TAS2R1: variants seen among roughly 807,000 people sequenced by gnomAD.
TAS2R1 encodes taste receptor type 2 member 1.
For synonymous variants in TAS2R1, 141 were observed against 134.2 expected (o/e 1.05, Z -0.35); for missense variants, 370 against 353.4 (o/e 1.05, Z -0.38).
chr5:9,633,143 A>C (rs1012500863), upstream of TAS2R1, among the ~76,000 whole-genome samples: 8 of 151,420 alleles, frequency 5.3e-5, no homozygotes, highest in African/African-American at 1.9e-4. Context: ...TTTCCATCAA[A>C]GCTCTTAGGT....
chr5:9,842,713 A>C, the TAS2R1 span, among the ~76,000 whole-genome samples: 9,048 of 152,040 alleles, frequency 0.06, 624 homozygotes, highest in East Asian at 0.23. Flanking sequence ...TCTCTGGCTT[A>C]TCTCTACTCC....
At chr5:9,668,881 C>G (rs919254781) in intron 1 of TAS2R1, among the ~76,000 whole-genome samples, 1 of 151,668 alleles carries the variant, frequency 6.6e-6, no homozygotes, top group Non-Finnish European at 1.5e-5. Flanking sequence ...AACCAGCTAA[C>G]AACATGATGA....
the TAS2R1 span, among the ~76,000 whole-genome samples, chr5:9,861,037 G>GT: frequency 0.087 from 7,688 of 88,766 alleles, 818 homozygotes; most frequent in Non-Finnish European, 0.097. Flanking sequence ...GGAAGATGAG[G>GT]TTTTTTTTTT....
At chr5:9,730,495 C>T in the TAS2R1 span, among the ~76,000 whole-genome samples, 1 of 152,324 alleles carries the variant, frequency 6.6e-6, no homozygotes, top group East Asian at 1.9e-4. Context: ...GCAGGTGCCA[C>T]ACCCGTGCAG....
At chr5:9,631,601 A>G (rs1479852760), upstream of TAS2R1, among the ~76,000 whole-genome samples, 1 of 152,202 alleles carries the variant, frequency 6.6e-6, no homozygotes, top group East Asian at 1.9e-4. Context: ...TTCAATAAAC[A>G]CTGGGGGAAT....
the TAS2R1 span, among the ~76,000 whole-genome samples, chr5:9,837,895 G>A: frequency 6.6e-6 from 1 of 152,184 alleles, no homozygotes; most frequent in Non-Finnish European, 1.5e-5. Context: ...ACATTAGATA[G>A]GCACTGAATG....
At chr5:9,633,293 A>ATATATATATATATATTT (rs1561364890), upstream of TAS2R1, among the ~76,000 whole-genome samples, 1 of 62,558 alleles carries the variant, frequency 1.6e-5, no homozygotes, top group African/African-American at 7.1e-5. Flanking sequence ...GTGTGTGTAT[A>ATATATATATATATATTT]TTATATATAT....
chr5:9,891,729 A>T, the TAS2R1 span, among the ~76,000 whole-genome samples: 1 of 152,212 alleles, frequency 6.6e-6, no homozygotes, highest in African/African-American at 2.4e-5. Flanking sequence ...CCCAGAGAAC[A>T]GATATTAGAC....
chr5:9,873,830 T>C, the TAS2R1 span, among the ~76,000 whole-genome samples: 3 of 145,200 alleles, frequency 2.1e-5, no homozygotes, highest in South Asian at 2.2e-4. Flanking sequence ...GATTGAGCCA[T>C]TGCATTCCAG....
At chr5:9,677,740 C>G (rs1379796800) in intron 1 of TAS2R1, among the ~76,000 whole-genome samples, 1 of 152,172 alleles carries the variant, frequency 6.6e-6, no homozygotes, top group African/African-American at 2.4e-5. Context: ...GAAAATGGTA[C>G]AGCCACTTTA....
the TAS2R1 span, among the ~76,000 whole-genome samples, chr5:9,741,874 CAT>C: frequency 1.3e-5 from 2 of 152,032 alleles, no homozygotes; most frequent in African/African-American, 4.8e-5. Flanking sequence ...TGTCATGTAA[CAT>C]AGGGCAGCAC....
intron 2 of TAS2R1, among the ~76,000 whole-genome samples, chr5:9,642,585 A>C (rs746988211): frequency 3.9e-5 from 6 of 152,134 alleles, no homozygotes; most frequent in Non-Finnish European, 5.9e-5. Context: ...GATCTTTTAG[A>C]CTAAAATTTT....
At chr5:9,771,357 G>C in the TAS2R1 span, among the ~76,000 whole-genome samples, 1 of 152,074 alleles carries the variant, frequency 6.6e-6, no homozygotes, top group Non-Finnish European at 1.5e-5. Context: ...TTGCATCCCT[G>C]GGATAAATCA....
the TAS2R1 span, among the ~76,000 whole-genome samples, chr5:9,742,029 G>A: frequency 1.3e-5 from 2 of 152,106 alleles, no homozygotes; most frequent in African/African-American, 4.8e-5. Context: ...CCGAATATCT[G>A]GGATTACACG....
the TAS2R1 span, among the ~76,000 whole-genome samples, chr5:9,810,530 G>A: frequency 6.6e-6 from 1 of 152,108 alleles, no homozygotes; most frequent in African/African-American, 2.4e-5. Flanking sequence ...TGAGTTTAAT[G>A]GGCCATGAGG....
chr5:9,763,481 G>A, the TAS2R1 span, among the ~76,000 whole-genome samples: 1 of 151,828 alleles, frequency 6.6e-6, no homozygotes, highest in African/African-American at 2.4e-5. Context: ...TCCAGCTTGG[G>A]TGACAGAGCG....
chr5:9,855,668 C>T, the TAS2R1 span, among the ~76,000 whole-genome samples: 2 of 152,226 alleles, frequency 1.3e-5, no homozygotes, highest in African/African-American at 2.4e-5. Context: ...TTATCTTTGG[C>T]CACTGGCTTG....
the TAS2R1 span, among the ~76,000 whole-genome samples, chr5:9,863,333 T>C: frequency 6.8e-6 from 1 of 146,198 alleles, no homozygotes; most frequent in African/African-American, 2.5e-5. Flanking sequence ...AGTAGCGTGA[T>C]GATCTCGGCT....
rs559458227 is a variant in TAS2R1, at chr5:9,676,560, C to CAT, written c.-241-16980_-241-16979insAT. ...AAAATTGGGTATACATACATACATA[C>CAT]ACAAAAATATAGACATAGACCTTAT... On this transcript the variant is annotated intron_variant, in intron 1 of 2. Coordinates refer to the TAS2R1 transcript ENST00000506620. Among the ~76,000 whole-genome samples, 128 of 152,204 alleles carry CAT rather than the reference C, an allele frequency of 8.4e-4. 1 individual carries two copies. The highest frequency in any genetic ancestry group is 1.6e-3 in the Non-Finnish European group (106 of 67,994).
Sources: gnomAD v4.1 joint callset for allele counts (sites outside exome capture counted in the v4.1 genomes callset) on GRCh38, gnomAD v4.1.1 for gene constraint, MANE v1.5 for transcripts, NCBI Gene and HGNC (gene_info 2026-07-23, HGNC 2026-07-21) for gene names.